The following ATRNL1 variants were observed in gnomAD, a reference collection of about 807,000 sequenced individuals.
ATRNL1 encodes the protein attractin like 1, also known as attractin-like protein 1.
A neutral mutation model predicts 182.7 loss-of-function variants in ATRNL1; 95 were observed. The observed-to-expected ratio is 0.52, with a 90% confidence interval of 0.44 to 0.62. ATRNL1 has a LOEUF of 0.62. Ranked by LOEUF, ATRNL1 falls within the 20% of genes least tolerant of loss-of-function variation. The pLI, the probability that ATRNL1 is intolerant of heterozygous loss-of-function variation, is 0.00. For missense variants in ATRNL1, 1,471 were observed against 1,679.5 expected (o/e 0.88, Z 2.17); for synonymous variants, 576 against 568.3 (o/e 1.01, Z -0.19).
chr10:115,477,218 T>G (rs1174306859), intron 24 of ATRNL1, among the ~76,000 whole-genome samples: 1 of 151,594 alleles, frequency 6.6e-6, no homozygotes, highest in Non-Finnish European at 1.5e-5. Context: ...AGTAAGTTGT[T>G]TTGTTAATTA....
At chr10:115,854,404 G>A (rs1218465748) in intron 28 of ATRNL1, among the ~76,000 whole-genome samples, 1 of 152,136 alleles carries the variant, frequency 6.6e-6, no homozygotes, top group Non-Finnish European at 1.5e-5. Flanking sequence ...AGTGGCGATG[G>A]CTATAGAGCA....
intron 20 of ATRNL1, among the ~76,000 whole-genome samples, chr10:115,414,572 T>C (rs1476003665): frequency 6.6e-6 from 1 of 152,036 alleles, no homozygotes; most frequent in Non-Finnish European, 1.5e-5. Context: ...CTACTTCCAG[T>C]ATACTCAGAG....
chr10:115,195,032 CTATATT>C (rs1848308756), intron 8 of ATRNL1, among the ~76,000 whole-genome samples: 1 of 151,672 alleles, frequency 6.6e-6, no homozygotes, highest in Non-Finnish European at 1.5e-5. Context: ...TTTTTATTGT[CTATATT>C]TATATCTTTT....
intron 26 of ATRNL1, among the ~76,000 whole-genome samples, chr10:115,615,411 C>A (rs572535299): frequency 6.6e-6 from 1 of 150,578 alleles, no homozygotes; most frequent in African/African-American, 2.4e-5. Context: ...CTTTTTTTTT[C>A]TTTTCTTCTG....
intron 27 of ATRNL1, among the ~76,000 whole-genome samples, chr10:115,817,529 T>A (rs1950192062): frequency 6.6e-6 from 1 of 152,080 alleles, no homozygotes; most frequent in African/African-American, 2.4e-5. Flanking sequence ...GCCAGATGCA[T>A]ACATATATGA....
intron 28 of ATRNL1, among the ~76,000 whole-genome samples, chr10:115,893,393 G>C (rs556997667): frequency 2.0e-5 from 3 of 152,134 alleles, no homozygotes; most frequent in Non-Finnish European, 4.4e-5. Flanking sequence ...AAAGAGCAAG[G>C]TTTCGGATTT....
rs782351120 is a variant in ATRNL1, at chr10:115,265,162, ATTTTTTGT to A, written c.1688-26_1688-19del. The A allele has an allele frequency of 2.2e-6, 3 of 1,374,138 alleles. No individual in the cohort carries two copies. The South Asian group carries it at 3.6e-5, about 17-fold the overall frequency. 85.1% of individuals were successfully genotyped at this position (1,374,138 alleles called of 1,614,324 possible). Reference sequence around the variant, plus strand: ...TTGTCTTAGTTTATTCTTTTATTTCATTTTTTGTTTTTCTGTTTTCTTTTTTCTAGCTT... The same window carrying A: ...TTGTCTTAGTTTATTCTTTTATTTCATTTTCTGTTTTCTTTTTTCTAGCTT... On this transcript the variant is annotated intron_variant, in intron 10 of 28. Coordinates refer to ENST00000355044, the MANE Select transcript of ATRNL1 (RefSeq NM_207303.4).
intron 5 of ATRNL1, among the ~76,000 whole-genome samples, chr10:115,139,008 A>G (rs1189707796): frequency 6.6e-6 from 1 of 152,146 alleles, no homozygotes; most frequent in Non-Finnish European, 1.5e-5. Context: ...CTCAAGTTCA[A>G]AGCTCCACAA....
chr10:115,151,605 A>C (rs1224323115), intron 5 of ATRNL1, among the ~76,000 whole-genome samples: 3 of 152,078 alleles, frequency 2.0e-5, no homozygotes, highest in Admixed American at 6.5e-5. Flanking sequence ...TTCTTTGTAG[A>C]TTCTGGATAT....
At chr10:115,829,510 CAAAA>C (rs5788115) in intron 27 of ATRNL1, among the ~76,000 whole-genome samples, 1 of 138,534 alleles carries the variant, frequency 7.2e-6, no homozygotes, top group African/African-American at 2.6e-5. Flanking sequence ...TTTTCTTTTT[CAAAA>C]AAAAAAAAAA....
intron 26 of ATRNL1, among the ~76,000 whole-genome samples, chr10:115,653,825 G>C (rs1338673116): frequency 1.4e-4 from 21 of 152,132 alleles, no homozygotes; most frequent in Admixed American, 1.4e-3. Flanking sequence ...GCTCATAGCA[G>C]ACACAAAATA....
chr10:115,910,677 T>C (rs1952647670), intron 28 of ATRNL1, among the ~76,000 whole-genome samples: 1 of 152,196 alleles, frequency 6.6e-6, no homozygotes, highest in Non-Finnish European at 1.5e-5. Context: ...TGAAAACATT[T>C]CACTCACTGG....
chr10:115,292,505 T>C (rs782445021), intron 15 of ATRNL1, among the ~76,000 whole-genome samples: 6 of 152,056 alleles, frequency 3.9e-5, no homozygotes, highest in African/African-American at 1.2e-4. Flanking sequence ...TTTATTACTA[T>C]AAACTTCCCT....
intron 27 of ATRNL1, among the ~76,000 whole-genome samples, chr10:115,815,415 A>ATGTGTGTGTGTGTGTG (rs367551845): frequency 2.2e-4 from 32 of 143,040 alleles, no homozygotes; most frequent in East Asian, 2.1e-3. Flanking sequence ...GTGTGTGTGT[A>ATGTGTGTGTGTGTGTG]TGTGTGTGTG....
intron 18 of ATRNL1, among the ~76,000 whole-genome samples, chr10:115,320,106 A>C (rs1262334891): frequency 6.6e-6 from 1 of 152,000 alleles, no homozygotes; most frequent in African/African-American, 2.4e-5. Flanking sequence ...AAAATCCCTT[A>C]GCATTTGCTT....
chr10:115,353,104 G>C (rs1856339792), intron 19 of ATRNL1, among the ~76,000 whole-genome samples: 1 of 152,258 alleles, frequency 6.6e-6, no homozygotes, highest in Non-Finnish European at 1.5e-5. Context: ...TGCATATTAA[G>C]TCTAATGGTG....
intron 24 of ATRNL1, among the ~76,000 whole-genome samples, chr10:115,475,893 A>G (rs985152657): frequency 1.3e-5 from 2 of 151,366 alleles, no homozygotes; most frequent in African/African-American, 4.8e-5. Flanking sequence ...ACTTATCTAT[A>G]TTAGGTTGAT....
At chr10:115,097,392 G>A (rs973059032) in intron 1 of ATRNL1, among the ~76,000 whole-genome samples, 3 of 152,112 alleles carry the variant, frequency 2.0e-5, no homozygotes, top group African/African-American at 7.2e-5. Flanking sequence ...AGAGTGAGGC[G>A]GAAGAATTCC....
chr10:115,856,326 G>T (rs921446048), intron 28 of ATRNL1, among the ~76,000 whole-genome samples: 3 of 149,016 alleles, frequency 2.0e-5, no homozygotes, highest in Non-Finnish European at 4.4e-5. Context: ...TACTGGGGAG[G>T]CTGAGGCAGG....
Sources: gnomAD v4.1 joint callset for allele counts (sites outside exome capture counted in the v4.1 genomes callset) on GRCh38, gnomAD v4.1.1 for gene constraint, MANE v1.5 for transcripts, NCBI Gene and HGNC (gene_info 2026-07-23, HGNC 2026-07-21) for gene names.